Variants in ACSS1 observed in about 807,000 individuals in gnomAD.
The protein encoded by ACSS1 is acetyl-coenzyme A synthetase 2-like, mitochondrial.
A neutral mutation model predicts 75.3 loss-of-function variants in ACSS1; 42 were observed. The observed-to-expected ratio is 0.56, with a 90% CI of 0.44 to 0.72. The LOEUF is 0.72. ACSS1 is among the 30% of genes least tolerant of loss of function. The pLI is 0.00. For synonymous variants in ACSS1, 380 were observed against 376.8 expected (o/e 1.01, Z -0.10); for missense variants, 782 against 935.7 (o/e 0.84, Z 2.14).
intron 2 of ACSS1, 103 bp downstream of exon 2, chr20:25,047,982 G>A (rs2089121973): frequency 1.0e-6 from 1 of 970,462 alleles, no homozygotes; most frequent in Non-Finnish European, 1.5e-6. Flanking sequence ...AAGCCAAAAT[G>A]CACTCCCTGA....
rs768637821 is a variant in ACSS1 at position 25,013,603 on chromosome 20, C to T, written c.1512G>A (p.Pro504=). ...SGALCISQAW[P]GMARTIYGDH... ...CGCCATAGATGGTCCTGGCCATGCC[C>T]GGCCAGGCCTGGGAGATGCACAGGG... Residue 504 remains proline (P), a synonymous_variant, in exon 10 of 14, where the codon CCG becomes CCA. Coordinates refer to ENST00000323482, the MANE Select transcript of ACSS1 (RefSeq NM_032501.4). 17 of 1,610,510 alleles carry T rather than the reference C, an allele frequency of 1.1e-5. No individual in the cohort carries two copies. Among genetic ancestry groups the T allele is most frequent in the East Asian group, 4.5e-5 (2 of 44,712 alleles).
At chr20:25,023,748 C>A in intron 3 of ACSS1, 107 bp from the exon 4 acceptor site, 4 of 1,126,252 alleles carry the variant, frequency 3.6e-6, no homozygotes, top group South Asian at 1.6e-5. Context: ...GAAACTCAGT[C>A]CAATCTTGAG....
intron 1 of ACSS1, among the ~76,000 whole-genome samples, chr20:25,048,830 A>G (rs1005777860): frequency 2.6e-5 from 4 of 152,164 alleles, no homozygotes; most frequent in African/African-American, 9.7e-5. Context: ...TCCGGCAGAA[A>G]CAGCTCTGTG....
At position 25,053,230 on chromosome 20, in the gene ACSS1, A is replaced by ATTT. The variant is rs376414199; in HGVS notation, c.334+4536_334+4538dup. 2.2e-3 allele frequency among the ~76,000 whole-genome samples: 293 copies of ATTT among 133,424 alleles called. 3 individuals carry two copies. The highest frequency in any genetic ancestry group is 7.8e-3 in the African/African-American group (274 of 35,110). 87.5% of individuals were successfully genotyped at this position (133,424 alleles called of 152,430 possible). ...AGGTATGCACCACCACGCTCGGCTA[A>ATTT]TTTTTTTTTTTTTTTTTTGAGATGG... On this transcript the variant is annotated intron_variant, in intron 1 of 13. Transcript: ENST00000323482.
rs1024070142 is a variant in ACSS1 at position 25,023,038 on chromosome 20, T to A, written c.862A>T (p.Met288Leu). 2.5e-6 allele frequency: 4 copies of A among 1,613,966 alleles called. No homozygotes were observed. The African/African-American group carries it at 5.3e-5, about 22-fold the overall frequency. ...CAPESMGSED[M>L]LFMLYTSGST... ...CCTGAGGTGTACAGCATGAAGAGCA[T>A]GTCCTCACTGCCCATGCTCTCTGGG... Residue 288 changes from methionine to leucine, a missense_variant, in exon 5 of 14, where the codon ATG (methionine) becomes TTG (leucine). Coordinates refer to ENST00000323482, the MANE Select transcript of ACSS1 (RefSeq NM_032501.4).
chr20:25,043,839 G>A (rs768175702), intron 2 of ACSS1, among the ~76,000 whole-genome samples: 2 of 152,324 alleles, frequency 1.3e-5, no homozygotes, highest in South Asian at 2.1e-4. Context: ...TCCTTTTACA[G>A]ATGAGGACAC....
intron 7 of ACSS1, among the ~76,000 whole-genome samples, chr20:25,017,775 G>A (rs2088545242): frequency 6.6e-6 from 1 of 152,212 alleles, no homozygotes; most frequent in African/African-American, 2.4e-5. Flanking sequence ...TGCACTTAGG[G>A]CGGTACCCCT....
chr20:25,031,135 T>G (rs2088817168), intron 2 of ACSS1, 177 bp from the exon 3 acceptor site: 1 of 726,340 alleles, frequency 1.4e-6, no homozygotes, highest in Non-Finnish European at 2.4e-6. Flanking sequence ...GAAAAGTTTT[T>G]AACATTTGTA....
chr20:25,006,879 C>A lies in ACSS1; in HGVS notation c.*883G>T, dbSNP rs929732620. 1 of 1,535,514 alleles carries A rather than the reference C, an allele frequency of 6.5e-7. No individual in the cohort carries two copies. The highest frequency in any genetic ancestry group is 1.2e-5 in the South Asian group (1 of 84,058). On this transcript the variant is annotated 3_prime_UTR_variant, in exon 14 of 14. Coordinates refer to ENST00000323482, the MANE Select transcript of ACSS1 (RefSeq NM_032501.4). Reference sequence around the variant, plus strand: ...ACCAAGTTAGTGCTCTAACAAGTCACCTGAGTTTCTAATAGCTTCCCTGAA... The same window carrying A: ...ACCAAGTTAGTGCTCTAACAAGTCAACTGAGTTTCTAATAGCTTCCCTGAA...
At position 25,012,954 on chromosome 20, in the gene ACSS1, G is replaced by A. The variant is rs1451249480; in HGVS notation, c.1580-15C>T. On this transcript the variant is annotated splice_polypyrimidine_tract_variant and intron_variant, in intron 10 of 13. Coordinates refer to ENST00000323482, the MANE Select transcript of ACSS1 (RefSeq NM_032501.4). ...GAAGTAATAGCCTGCACCACAGCAGGGAAATTCAGCACCAGGAACCCTGAG... is the reference window on the plus strand; with the variant it reads ...GAAGTAATAGCCTGCACCACAGCAGAGAAATTCAGCACCAGGAACCCTGAG... 11 of 1,613,954 alleles carry A rather than the reference G, an allele frequency of 6.8e-6. No homozygotes were observed. The East Asian group carries it at 2.5e-4, about 36-fold the overall frequency.
At chr20:25,010,508 T>G (rs1035438736) in intron 12 of ACSS1, 1 of 152,282 alleles carries the variant, frequency 6.6e-6, no homozygotes, top group African/African-American at 2.4e-5. Flanking sequence ...TATATCCATG[T>G]GGCGAACTCC....
At chr20:25,018,643 T>G (rs1053583803) in intron 7 of ACSS1, among the ~76,000 whole-genome samples, 4 of 152,194 alleles carry the variant, frequency 2.6e-5, no homozygotes, top group African/African-American at 9.6e-5. Context: ...CTTCCTTCTC[T>G]GTAATGTGAA....
intron 7 of ACSS1, 49 bp downstream of exon 7, chr20:25,019,961 A>C (rs1331131146): frequency 3.1e-6 from 5 of 1,611,608 alleles, no homozygotes; most frequent in Non-Finnish European, 4.2e-6. Context: ...ATTGGCTCTG[A>C]GGGTCTAGGG....
intron 1 of ACSS1, among the ~76,000 whole-genome samples, chr20:25,052,444 C>T (rs1447327646): frequency 6.6e-6 from 1 of 152,230 alleles, no homozygotes; most frequent in African/African-American, 2.4e-5. Context: ...CACACTGCCC[C>T]ATGCTCCCTG....
intron 1 of ACSS1, among the ~76,000 whole-genome samples, chr20:25,050,495 T>C (rs1449577424): frequency 6.6e-6 from 1 of 152,036 alleles, no homozygotes; most frequent in Admixed American, 6.6e-5. Context: ...CCCACTCTCA[T>C]ATCTGAAAAG....
chr20:25,048,239 G>T (rs2089128263), intron 1 of ACSS1, 58 bp from the exon 2 acceptor site: 1 of 1,511,018 alleles, frequency 6.6e-7, no homozygotes, highest in Non-Finnish European at 9.1e-7. Context: ...TGAGAATTCG[G>T]CCAGGTTGAG....
In ACSS1 at chr20:25,021,459, CA is replaced by C. The variant is rs1161521941; in HGVS notation, c.1037del (p.Val346GlyfsTer31). On this transcript the variant is annotated frameshift_variant, in exon 6 of 14. Coordinates refer to ENST00000323482, the MANE Select transcript of ACSS1 (RefSeq NM_032501.4). LOFTEE classifies it high-confidence loss of function. ...CACCATTGCAGAGAGGCCCATACACCACGTAGCTGTGTCCTGTAATCCAACC... is the reference window on the plus strand; with the variant it reads ...CACCATTGCAGAGAGGCCCATACACCCGTAGCTGTGTCCTGTAATCCAACC... ...DIGWITGHSYVVYGPLCNGAT... is the reference protein window; with the variant it reads ...DIGWITGHSYXVYGPLCNGAT... 1.9e-6 allele frequency: 3 copies of C among 1,614,230 alleles called. No homozygotes were observed. The highest frequency in any genetic ancestry group is 2.5e-6 in the Non-Finnish European group (3 of 1,180,034).
At chr20:25,034,272 AC>A (rs2088874161) in intron 2 of ACSS1, among the ~76,000 whole-genome samples, 1 of 152,172 alleles carries the variant, frequency 6.6e-6, no homozygotes, top group South Asian at 2.1e-4. Flanking sequence ...GAAACAGTCT[AC>A]CAAAAATTGG....
At chr20:25,038,173 G>T (rs2088946512) in intron 2 of ACSS1, among the ~76,000 whole-genome samples, 1 of 152,198 alleles carries the variant, frequency 6.6e-6, no homozygotes. Flanking sequence ...AGCTATGTGT[G>T]TTCTAAATTC....
Sources: gnomAD v4.1 joint callset for allele counts (sites outside exome capture counted in the v4.1 genomes callset) on GRCh38, gnomAD v4.1.1 for gene constraint, MANE v1.5 for transcripts, NCBI Gene and HGNC (gene_info 2026-07-23, HGNC 2026-07-21) for gene names.